The following SLC12A3 variants were observed in gnomAD, a reference collection of about 807,000 sequenced individuals.
SLC12A3 encodes Na-Cl cotransporter.
In SLC12A3, 104 loss-of-function variants were observed where a neutral mutation model predicts 121.0. The ratio of observed to expected loss-of-function variants is 0.86; its 90% CI spans 0.73 to 1.01. SLC12A3 has a LOEUF of 1.01. Among genes scored for constraint, SLC12A3 ranks in the 50% least tolerant of loss-of-function variants. SLC12A3 has a pLI of 0.00. For synonymous variants in SLC12A3, 536 were observed against 533.4 expected (o/e 1.00, Z -0.07); for missense variants, 1,328 against 1,356.3 (o/e 0.98, Z 0.33).
chr16:56,878,359 G>A (rs550095748), intron 9 of SLC12A3, among the ~76,000 whole-genome samples, 198 bp downstream of exon 9: 3 of 152,118 alleles, frequency 2.0e-5, no homozygotes, highest in Non-Finnish European at 4.4e-5. Flanking sequence ...GCAATGATCA[G>A]AGCATCTTCA....
chr16:56,910,295 T>C (rs913019648), intron 25 of SLC12A3, among the ~76,000 whole-genome samples: 3 of 152,024 alleles, frequency 2.0e-5, no homozygotes, highest in Non-Finnish European at 4.4e-5. Flanking sequence ...TTTCTCTTTC[T>C]GTAACCTGTG....
In SLC12A3 at chr16:56,889,196, G is replaced by T. The variant is rs113235099; in HGVS notation, c.2286-1078G>T. On this transcript the variant is annotated intron_variant, in intron 18 of 25. Coordinates refer to ENST00000563236, the MANE Select transcript of SLC12A3 (RefSeq NM_001126108.2). ...CTTCCAGGTATGCTGTTAACCAGCTGTAGGACTCGGAGCAATCCTCTCAGC... is the reference window on the plus strand; with the variant it reads ...CTTCCAGGTATGCTGTTAACCAGCTTTAGGACTCGGAGCAATCCTCTCAGC... 5.3e-3 allele frequency among the ~76,000 whole-genome samples: 811 copies of T among 152,324 alleles called. 6 individuals are homozygous for T. The highest frequency in any genetic ancestry group is 0.018 in the African/African-American group (755 of 41,588).
At position 56,872,638 on chromosome 16, in the gene SLC12A3, C is replaced by A. The variant is rs781429244; in HGVS notation, c.965-18C>A. On this transcript the variant is annotated intron_variant, in intron 7 of 25. Transcript: ENST00000563236. ...AGCCCTCCAGGTGAGCCTTACTCATCAGGCCTTGCTTTTCCAGCGGACATT... is the reference window on the plus strand; with the variant it reads ...AGCCCTCCAGGTGAGCCTTACTCATAAGGCCTTGCTTTTCCAGCGGACATT... The A allele has an allele frequency of 3.7e-6, 6 of 1,614,112 alleles. No individual in the cohort carries two copies. In the African/African-American group the frequency reaches 4.0e-5, roughly 11 times the overall value.
rs561152421 is a variant in SLC12A3 at position 56,913,525 on chromosome 16, A to T, written c.*120A>T. 3.1e-5 allele frequency: 32 copies of T among 1,032,108 alleles called. No homozygotes were observed. The African/African-American group carries it at 4.5e-4, about 15-fold the overall frequency. The allele number at this position is 1,032,108 out of a possible 1,614,324, so 63.9% of individuals were successfully genotyped here. A position where few individuals can be genotyped will look rare whatever the true frequency, so the allele number is the denominator to read the frequency against. On this transcript the variant is annotated 3_prime_UTR_variant, in exon 26 of 26. Coordinates refer to ENST00000563236, the MANE Select transcript of SLC12A3 (RefSeq NM_001126108.2). ...GTTGCACTTTAAGTGGCAGCATCTG[A>T]TGATCTCACCGAAAAAGATGGTAGA... is the stretch of plus-strand genomic sequence containing the variant.
chr16:56,912,798 C>G (rs537894536), intron 25 of SLC12A3, among the ~76,000 whole-genome samples: 22 of 152,186 alleles, frequency 1.4e-4, no homozygotes, highest in African/African-American at 5.1e-4. Flanking sequence ...GAGGCGTGGG[C>G]GGCCTGCCCT....
chr16:56,867,325 C>T, intron 2 of SLC12A3, 109 bp downstream of exon 2: 4 of 1,123,956 alleles, frequency 3.6e-6, no homozygotes, highest in South Asian at 2.9e-5. Context: ...TCAGTTTCCC[C>T]ATCTGTACAA....
chr16:56,886,886 G>A, intron 16 of SLC12A3, 67 bp from the exon 17 acceptor site: 2 of 1,607,998 alleles, frequency 1.2e-6, no homozygotes, highest in East Asian at 4.5e-5. Flanking sequence ...CAGGGCAGGA[G>A]AGGGGTTGAA....
intron 8 of SLC12A3, among the ~76,000 whole-genome samples, chr16:56,875,800 G>A (rs1167317452): frequency 7.1e-6 from 1 of 140,012 alleles, no homozygotes; most frequent in Non-Finnish European, 1.6e-5. Context: ...TTAAATCCCC[G>A]GGCAACAATC....
chr16:56,891,784 T>G (rs1336753918), intron 19 of SLC12A3, among the ~76,000 whole-genome samples: 5 of 152,298 alleles, frequency 3.3e-5, no homozygotes, highest in Admixed American at 3.3e-4. Context: ...GGCCTTTTGC[T>G]GAGGAGGCCA....
intron 22 of SLC12A3, among the ~76,000 whole-genome samples, chr16:56,896,342 A>T (rs2055461707): frequency 6.6e-6 from 1 of 152,212 alleles, no homozygotes; most frequent in African/African-American, 2.4e-5. Flanking sequence ...GGCTGGATGC[A>T]TGGGCTTGGC....
At chr16:56,893,923 G>A (rs1006316812) in intron 21 of SLC12A3, among the ~76,000 whole-genome samples, 15 of 151,390 alleles carry the variant, frequency 9.9e-5, no homozygotes, top group Admixed American at 4.6e-4. Flanking sequence ...GACTACAGGC[G>A]GCTGCCACCA....
rs745764306 is a variant in SLC12A3 at position 56,870,145 on chromosome 16, C to A, written c.651C>A (p.Gly217=). The A allele has an allele frequency of 1.9e-6, 3 of 1,614,064 alleles. No individual in the cohort carries two copies. In the East Asian group the frequency reaches 6.7e-5, roughly 36 times the overall value. The change falls in exon 5 of 26, where the codon GGC becomes GGA. Residue 217 remains glycine, a synonymous_variant. Transcript: ENST00000563236. The stretch of plus-strand genomic sequence containing the variant: ...GGAGTCTGGGCCCAGAGCTTGGGGG[C>A]TCCATCGGCCTCATTTTCGCTTTCG... ...ISRSLGPELG[G]SIGLIFAFAN...
At chr16:56,870,528 A>C (rs1173623309) in intron 5 of SLC12A3, 98 bp from the exon 6 acceptor site, 2 of 864,140 alleles carry the variant, frequency 2.3e-6, no homozygotes, top group African/African-American at 3.3e-5. Flanking sequence ...TCGTCCTAGC[A>C]GAGTGCACCG....
chr16:56,885,442 C>A, intron 15 of SLC12A3, 78 bp downstream of exon 15: 1 of 955,972 alleles, frequency 1.0e-6, no homozygotes, highest in Non-Finnish European at 1.6e-6. Flanking sequence ...AAGCCTAGAC[C>A]TGTCACCTGA....
chr16:56,869,138 C>A (rs1421822831), intron 3 of SLC12A3, among the ~76,000 whole-genome samples: 4 of 152,180 alleles, frequency 2.6e-5, no homozygotes. Flanking sequence ...CCTCATGGAA[C>A]CGTTGTGGCT....
At chr16:56,891,999 C>T (rs2055394255) in intron 19 of SLC12A3, 84 bp from the exon 20 acceptor site, 1 of 1,025,178 alleles carries the variant, frequency 9.8e-7, no homozygotes, top group Non-Finnish European at 1.5e-6. Context: ...TTCTTCCTAG[C>T]ATTAAGGGAG....
At chr16:56,904,319 T>C in intron 24 of SLC12A3, 76 bp from the exon 25 acceptor site, 1 of 1,299,836 alleles carries the variant, frequency 7.7e-7, no homozygotes, top group Non-Finnish European at 1.1e-6. Context: ...AAAATGTTAA[T>C]GAGGCCATAG....
rs1475982654 is a variant in SLC12A3 at position 56,878,174 on chromosome 16, C to T, written c.1180+13C>T. 1.9e-6 allele frequency: 3 copies of T among 1,601,260 alleles called. No homozygotes were observed. Among genetic ancestry groups the T allele is most frequent in the South Asian group, 1.1e-5 (1 of 90,854 alleles). ...TCAGCCACCATTGGTAAGTGGCCGGCCCAGCCAGTCAGGAGGGGGAGGGAC... is the reference window on the plus strand; with the variant it reads ...TCAGCCACCATTGGTAAGTGGCCGGTCCAGCCAGTCAGGAGGGGGAGGGAC... On this transcript the variant is annotated intron_variant, in intron 9 of 25. Coordinates refer to ENST00000563236, the MANE Select transcript of SLC12A3 (RefSeq NM_001126108.2).
At chr16:56,898,871 C>T (rs1203864240) in intron 22 of SLC12A3, among the ~76,000 whole-genome samples, 1 of 152,230 alleles carries the variant, frequency 6.6e-6, no homozygotes. Flanking sequence ...AAAGTGTTGT[C>T]TGTGGACTAG....
Sources: gnomAD v4.1 joint callset for allele counts (sites outside exome capture counted in the v4.1 genomes callset) on GRCh38, gnomAD v4.1.1 for gene constraint, MANE v1.5 for transcripts, NCBI Gene and HGNC (gene_info 2026-07-23, HGNC 2026-07-21) for gene names.